Variants in PTPRD observed in about 807,000 individuals in gnomAD.
PTPRD encodes the protein protein tyrosine phosphatase receptor type D, also known as receptor-type tyrosine-protein phosphatase delta.
A neutral mutation model predicts 214.5 loss-of-function variants in PTPRD; 34 were observed. That is an observed-to-expected ratio of 0.16 (90% CI 0.12 to 0.21). PTPRD has a LOEUF of 0.21. Among genes scored for constraint, PTPRD ranks in the 10% least tolerant of loss-of-function variants. The pLI is 1.00. For missense variants in PTPRD, 2,545 were observed against 2,398.7 expected, an observed-to-expected ratio of 1.06 and a Z score of -1.27; for synonymous variants, 1,128 against 845.7, an observed-to-expected ratio of 1.33 and a Z score of -5.79.
At chr9:10,461,258 G>C (rs893303551) in intron 2 of PTPRD, among the ~76,000 whole-genome samples, 1 of 151,570 alleles carries the variant, frequency 6.6e-6, no homozygotes. Context: ...TAAGAATGGG[G>C]GAAAAAAGGA....
chr9:8,486,485 T>C (rs770724937), intron 27 of PTPRD, 136 bp from the exon 28 acceptor site: 8 of 800,050 alleles, frequency 1.0e-5, no homozygotes, highest in South Asian at 8.2e-5. Flanking sequence ...CAGGCAATGT[T>C]TGACCTACAT....
At chr9:9,581,142 G>C (rs1017293542) in intron 7 of PTPRD, among the ~76,000 whole-genome samples, 1 of 152,016 alleles carries the variant, frequency 6.6e-6, no homozygotes, top group East Asian at 1.9e-4. Flanking sequence ...ATAGTAAATA[G>C]ATTAGAAAGC....
At chr9:8,639,022 T>C (rs2096513463) in intron 12 of PTPRD, among the ~76,000 whole-genome samples, 1 of 152,078 alleles carries the variant, frequency 6.6e-6, no homozygotes, top group South Asian at 2.1e-4. Flanking sequence ...TTTGTATTTT[T>C]AGTAGAGACA....
chr9:8,672,449 G>A (rs928332604), intron 12 of PTPRD, among the ~76,000 whole-genome samples: 12 of 152,122 alleles, frequency 7.9e-5, no homozygotes, highest in African/African-American at 2.9e-4. Flanking sequence ...TTGTCTAAAT[G>A]TAATCTTTCG....
chr9:8,633,328 G>C lies in PTPRD; in HGVS notation c.341C>G (p.Thr114Arg). ...VGEISVSTRL[T>R]VLREDQIPRG... is the part of the protein sequence containing the mutation. The stretch of plus-strand genomic sequence containing the variant: ...ACTTGAGCACTTACCCCGCAAAACT[G>C]TGAGTCTGGTGGATACACTTATTTC... Residue 114 changes from threonine to arginine, a missense_variant, in exon 14 of 46, where the codon ACA (threonine) becomes AGA (arginine). Physicochemically the swap from Thr to Arg is moderately conservative, Grantham distance 71 (BLOSUM62 -1). Coordinates refer to ENST00000381196, the MANE Select transcript of PTPRD (RefSeq NM_002839.4). 1 of 1,611,374 alleles carries C rather than the reference G, an allele frequency of 6.2e-7. No homozygotes were observed. The highest frequency in any genetic ancestry group is 8.5e-7 in the Non-Finnish European group (1 of 1,178,558).
intron 11 of PTPRD, among the ~76,000 whole-genome samples, chr9:8,755,042 A>G (rs1230110925): frequency 6.6e-6 from 1 of 152,124 alleles, no homozygotes; most frequent in East Asian, 1.9e-4. Flanking sequence ...TAAAATCAGA[A>G]ACTCGACACC....
intron 7 of PTPRD, among the ~76,000 whole-genome samples, chr9:9,595,576 G>GTA (rs199739934): frequency 2.6e-5 from 3 of 113,296 alleles, no homozygotes; most frequent in African/African-American, 9.5e-5. Context: ...GTGTGTGTGT[G>GTA]TATATACATA....
intron 34 of PTPRD, among the ~76,000 whole-genome samples, chr9:8,441,526 C>T (rs572611295): frequency 3.3e-5 from 5 of 151,840 alleles, no homozygotes; most frequent in South Asian, 2.1e-4. Context: ...AGACCACATA[C>T]GGCTAACTAG....
At chr9:10,148,877 T>C (rs992960715) in intron 3 of PTPRD, among the ~76,000 whole-genome samples, 26 of 152,206 alleles carry the variant, frequency 1.7e-4, no homozygotes, top group Non-Finnish European at 3.4e-4. Context: ...GCATTTTTTA[T>C]TGGATATAGA....
At chr9:10,245,280 T>C (rs554181359) in intron 3 of PTPRD, among the ~76,000 whole-genome samples, 53 of 152,288 alleles carry the variant, frequency 3.5e-4, no homozygotes, top group Non-Finnish European at 5.7e-4. Flanking sequence ...TCAACATATA[T>C]TCCTTTACAT....
At chr9:9,332,236 G>T (rs1017361071) in intron 9 of PTPRD, among the ~76,000 whole-genome samples, 5 of 147,044 alleles carry the variant, frequency 3.4e-5, no homozygotes, top group Admixed American at 6.7e-5. Flanking sequence ...CAATTTAGCA[G>T]GTGGAGAGAG....
intron 9 of PTPRD, among the ~76,000 whole-genome samples, chr9:9,193,623 T>C (rs543635106): frequency 2.0e-5 from 3 of 152,256 alleles, no homozygotes; most frequent in Non-Finnish European, 4.4e-5. Flanking sequence ...TGTAACACAA[T>C]GGCAAGTATT....
At chr9:9,072,031 A>G in intron 10 of PTPRD, among the ~76,000 whole-genome samples, 1 of 152,100 alleles carries the variant, frequency 6.6e-6, no homozygotes, top group East Asian at 1.9e-4. Flanking sequence ...CAGACCGAAG[A>G]AGTGATTGTT....
intron 4 of PTPRD, among the ~76,000 whole-genome samples, chr9:9,954,314 A>ACAAAC: frequency 6.7e-6 from 1 of 149,774 alleles, no homozygotes; most frequent in Non-Finnish European, 1.5e-5. Context: ...AAAAAAAAAA[A>ACAAAC]AAAAAAAAAA....
intron 2 of PTPRD, among the ~76,000 whole-genome samples, chr9:10,431,965 G>A (rs978624629): frequency 4.0e-5 from 6 of 151,896 alleles, no homozygotes; most frequent in African/African-American, 1.4e-4. Flanking sequence ...AAATCATGCT[G>A]CTATAAAGAC....
intron 9 of PTPRD, among the ~76,000 whole-genome samples, chr9:9,232,671 T>C (rs186736945): frequency 6.6e-6 from 1 of 152,156 alleles, no homozygotes; most frequent in East Asian, 1.9e-4. Context: ...TTTAGTTTTA[T>C]ATATTTATTT....
intron 3 of PTPRD, among the ~76,000 whole-genome samples, chr9:10,282,788 T>C (rs1029251509): frequency 3.3e-5 from 5 of 152,088 alleles, no homozygotes; most frequent in Admixed American, 2.0e-4. Flanking sequence ...GCCATAAATA[T>C]GCCAGCTGTA....
At chr9:8,749,694 C>T (rs981312203) in intron 11 of PTPRD, among the ~76,000 whole-genome samples, 1 of 152,194 alleles carries the variant, frequency 6.6e-6, no homozygotes, top group Non-Finnish European at 1.5e-5. Context: ...AATAACTTTA[C>T]ACACAAACAG....
chr9:9,532,137 C>T (rs2075615052), intron 8 of PTPRD, among the ~76,000 whole-genome samples: 1 of 151,828 alleles, frequency 6.6e-6, no homozygotes, highest in Non-Finnish European at 1.5e-5. Context: ...GAATATAAAC[C>T]ATATGCAGGA....
Sources: allele counts gnomAD v4.1 joint callset (sites outside exome capture counted in the v4.1 genomes callset), GRCh38; gene constraint gnomAD v4.1.1; transcripts MANE v1.5; gene names NCBI Gene and HGNC (gene_info 2026-07-23, HGNC 2026-07-21).